SAMSN1: variants seen among roughly 807,000 people sequenced by gnomAD.
SAMSN1 encodes the protein SAM domain, SH3 domain and nuclear localization signals 1.
Under a neutral mutation model 42.0 loss-of-function variants are expected in SAMSN1, and 31 were observed. That is an observed-to-expected ratio of 0.74 (90% confidence interval 0.55 to 1.00). The LOEUF (loss-of-function observed/expected upper bound fraction) is 1.00, where lower values mean the gene tolerates loss of function less well. SAMSN1 is among the 50% of genes least tolerant of loss of function. The pLI is 0.00. For synonymous variants in SAMSN1, 178 were observed against 151.9 expected (o/e 1.17, Z -1.26); for missense variants, 464 against 439.4 (o/e 1.06, Z -0.50).
chr21:14,552,280 C>A (rs1331496027), intron 2 of SAMSN1, among the ~76,000 whole-genome samples: 2 of 151,872 alleles, frequency 1.3e-5, no homozygotes, highest in African/African-American at 2.4e-5. Flanking sequence ...AGTAGAAGCA[C>A]AAATGAGACT....
chr21:14,562,241 G>A (rs1384098306), intron 2 of SAMSN1, among the ~76,000 whole-genome samples: 1 of 152,150 alleles, frequency 6.6e-6, no homozygotes, highest in Non-Finnish European at 1.5e-5. Context: ...AGTAGAGATG[G>A]GAAATAGAGA....
upstream of SAMSN1, among the ~76,000 whole-genome samples, chr21:14,550,593 C>T (rs867772368): frequency 2.6e-5 from 4 of 152,098 alleles, no homozygotes; most frequent in South Asian, 4.1e-4. Flanking sequence ...TAATATTCCA[C>T]CTGTTGACTT....
At chr21:14,580,733 A>G (rs565671750) in intron 2 of SAMSN1, among the ~76,000 whole-genome samples, 1 of 152,336 alleles carries the variant, frequency 6.6e-6, no homozygotes, top group South Asian at 2.1e-4. Flanking sequence ...CTTAAAAGGC[A>G]AAAAAAGTTC....
chr21:14,595,179 A>C (rs745817177), intron 6 of SAMSN1, among the ~76,000 whole-genome samples: 3 of 152,162 alleles, frequency 2.0e-5, no homozygotes, highest in Non-Finnish European at 2.9e-5. Flanking sequence ...CCCACCTACA[A>C]CACCAGGAAC....
intron 2 of SAMSN1, among the ~76,000 whole-genome samples, chr21:14,570,239 A>G (rs892824559): frequency 4.6e-5 from 7 of 152,202 alleles, no homozygotes; most frequent in African/African-American, 7.2e-5. Context: ...GTTCATTTCA[A>G]TCACCACAAA....
At chr21:14,495,912 T>C (rs997451861) in intron 7 of SAMSN1, 5 of 152,278 alleles carry the variant, frequency 3.3e-5, no homozygotes, top group African/African-American at 1.2e-4. Flanking sequence ...TTCTTTTTAA[T>C]TACATCGGCT....
intron 2 of SAMSN1, among the ~76,000 whole-genome samples, chr21:14,581,002 T>C (rs1981693954): frequency 6.6e-6 from 1 of 152,196 alleles, no homozygotes; most frequent in African/African-American, 2.4e-5. Flanking sequence ...TATTTGACTT[T>C]AGCTTCTTGA....
rs895629375 is a variant in SAMSN1, at chr21:14,633,650, G to A, written c.156+9352C>T. ...AAATCTTCATGGACAAATGGAGCAG[G>A]GTAGTTCTACCCTTCAGTTGTTCTT... is the stretch of plus-strand genomic sequence containing the variant. On this transcript the variant is annotated intron_variant, in intron 2 of 15. Coordinates refer to the SAMSN1 transcript ENST00000647101. 5.3e-5 allele frequency among the ~76,000 whole-genome samples: 8 copies of A among 152,162 alleles called. No individual in the cohort carries two copies. The East Asian group carries it at 7.7e-4, about 15-fold the overall frequency.
chr21:14,492,448 G>A lies in SAMSN1; in HGVS notation c.919+5994C>T, dbSNP rs572209113. Among the ~76,000 whole-genome samples, 12 of 152,248 alleles carry A rather than the reference G, an allele frequency of 7.9e-5. 1 individual carries two copies. In the South Asian group the frequency reaches 2.3e-3, roughly 29 times the overall value. On this transcript the variant is annotated intron_variant, in intron 7 of 7. Coordinates refer to ENST00000400566, the MANE Select transcript of SAMSN1 (RefSeq NM_022136.5). ...CTCATTCATCATTTACTCATTTTAT[G>A]TTAACCATCCACTAATGCAAAGCAC...
chr21:14,491,448 T>A (rs1385406477), intron 7 of SAMSN1, among the ~76,000 whole-genome samples: 1 of 152,172 alleles, frequency 6.6e-6, no homozygotes, highest in Non-Finnish European at 1.5e-5. Flanking sequence ...GACATTTCCA[T>A]GTGAAAGCTA....
At chr21:14,601,577 C>T (rs1479904924) in intron 6 of SAMSN1, among the ~76,000 whole-genome samples, 2 of 152,088 alleles carry the variant, frequency 1.3e-5, no homozygotes, top group Non-Finnish European at 1.5e-5. Context: ...AGTATTTGGC[C>T]ATTGATTAAT....
chr21:14,532,507 T>A (rs1254850665), intron 1 of SAMSN1, among the ~76,000 whole-genome samples: 1 of 152,332 alleles, frequency 6.6e-6, no homozygotes, highest in East Asian at 1.9e-4. Flanking sequence ...TTTATTTACC[T>A]TTTAGAAAAC....
intron 2 of SAMSN1, among the ~76,000 whole-genome samples, chr21:14,638,024 T>A (rs1185792941): frequency 6.6e-6 from 1 of 152,168 alleles, no homozygotes; most frequent in Non-Finnish European, 1.5e-5. Flanking sequence ...CATAGTAGAC[T>A]TCCCCTTAAC....
At chr21:14,539,761 A>G (rs1200044506) in intron 1 of SAMSN1, among the ~76,000 whole-genome samples, 1 of 152,152 alleles carries the variant, frequency 6.6e-6, no homozygotes, top group Non-Finnish European at 1.5e-5. Flanking sequence ...TCAAGCTACC[A>G]ATGACTTACT....
intron 1 of SAMSN1, among the ~76,000 whole-genome samples, chr21:14,521,772 C>T (rs1243059624): frequency 1.3e-5 from 2 of 151,940 alleles, no homozygotes; most frequent in Non-Finnish European, 2.9e-5. Flanking sequence ...GGGCTTAATA[C>T]CTAGGTGATG....
chr21:14,598,656 C>G (rs965806248), intron 6 of SAMSN1, among the ~76,000 whole-genome samples: 1 of 152,142 alleles, frequency 6.6e-6, no homozygotes, highest in Admixed American at 6.6e-5. Flanking sequence ...TTCTGTGTAA[C>G]TTCTTCCATG....
At chr21:14,489,565 C>T (rs924592710) in intron 7 of SAMSN1, among the ~76,000 whole-genome samples, 1 of 152,024 alleles carries the variant, frequency 6.6e-6, no homozygotes, top group Admixed American at 6.6e-5. Context: ...AATTAGAATA[C>T]ACTGAAGAAT....
At chr21:14,524,528 A>G (rs1395685159) in intron 1 of SAMSN1, among the ~76,000 whole-genome samples, 2 of 152,206 alleles carry the variant, frequency 1.3e-5, no homozygotes, top group African/African-American at 2.4e-5. Flanking sequence ...GTAAAATGGC[A>G]CAATACCTAT....
At chr21:14,592,042 A>G (rs972655341) in intron 7 of SAMSN1, 3 of 152,254 alleles carry the variant, frequency 2.0e-5, no homozygotes, top group African/African-American at 7.2e-5. Context: ...ATGTGGACAC[A>G]CTGCCAAGCT....
Sources: gnomAD v4.1 joint callset for allele counts (sites outside exome capture counted in the v4.1 genomes callset) on GRCh38, gnomAD v4.1.1 for gene constraint, MANE v1.5 for transcripts, NCBI Gene and HGNC (gene_info 2026-07-23, HGNC 2026-07-21) for gene names.